The following MTCL2 variants were observed in gnomAD, a reference collection of about 807,000 sequenced individuals.
MTCL2 encodes the protein microtubule cross-linking factor 2.
chr20:36,832,081 C>T, the MTCL2 span, among the ~76,000 whole-genome samples: 5 of 152,212 alleles, frequency 3.3e-5, no homozygotes, highest in Non-Finnish European at 7.3e-5. Flanking sequence ...ACACTAAGTG[C>T]CTAATAAATG....
At chr20:36,843,479 A>T in the MTCL2 span, among the ~76,000 whole-genome samples, 2 of 124,332 alleles carry the variant, frequency 1.6e-5, no homozygotes, top group Admixed American at 1.0e-4. Flanking sequence ...CCAGCATACC[A>T]CGTGGACAGA....
the MTCL2 span, among the ~76,000 whole-genome samples, chr20:36,847,055 A>G: frequency 6.6e-6 from 1 of 152,208 alleles, no homozygotes; most frequent in Non-Finnish European, 1.5e-5. Flanking sequence ...ACTAATTACC[A>G]GGCCCCCGCA....
chr20:36,803,091 C>A, the MTCL2 span: 2 of 1,607,006 alleles, frequency 1.2e-6, no homozygotes, highest in Non-Finnish European at 1.7e-6. Context: ...GGCCCCCTTC[C>A]CTGTCTTCAG....
At chr20:36,788,437 G>T in the MTCL2 span, among the ~76,000 whole-genome samples, 1 of 151,636 alleles carries the variant, frequency 6.6e-6, no homozygotes, top group East Asian at 1.9e-4. Context: ...GGATCACGAG[G>T]TCAGGAGATC....
At chr20:36,860,464 G>A in the MTCL2 span, among the ~76,000 whole-genome samples, 1 of 152,128 alleles carries the variant, frequency 6.6e-6, no homozygotes, top group Non-Finnish European at 1.5e-5. Context: ...CCTAGCACAC[G>A]GCAGGTTCTA....
the MTCL2 span, chr20:36,804,970 G>A: frequency 5.8e-6 from 9 of 1,562,508 alleles, no homozygotes; most frequent in African/African-American, 1.1e-4. Flanking sequence ...TGGGTTCAGA[G>A]AACTCACCTA....
the MTCL2 span, chr20:36,794,410 G>A: frequency 3.1e-6 from 5 of 1,613,830 alleles, no homozygotes; most frequent in Non-Finnish European, 3.4e-6. The surrounding 1 kb of genome is among the most constrained non-coding windows in gnomAD (Gnocchi z 5.4). Context: ...GGGCACCCAG[G>A]TGGTTGCAGT....
the MTCL2 span, chr20:36,810,030 C>A: frequency 4.2e-5 from 68 of 1,600,586 alleles, no homozygotes; most frequent in Non-Finnish European, 5.7e-5. Context: ...TTCGTAGCTG[C>A]CGCTCCTGGG....
the MTCL2 span, chr20:36,784,717 C>T: frequency 1.0e-6 from 1 of 985,512 alleles, no homozygotes; most frequent in Non-Finnish European, 1.2e-6. Flanking sequence ...GCTCAGGCAG[C>T]TCACAGGGGA....
the MTCL2 span, among the ~76,000 whole-genome samples, chr20:36,828,131 C>T: frequency 2.0e-5 from 3 of 152,222 alleles, no homozygotes; most frequent in African/African-American, 7.2e-5. Context: ...TAGAAGAATG[C>T]ACGATCCTCA....
the MTCL2 span, among the ~76,000 whole-genome samples, chr20:36,800,627 T>A: frequency 6.6e-6 from 1 of 152,232 alleles, no homozygotes; most frequent in East Asian, 1.9e-4. Flanking sequence ...AGGGGTTTCA[T>A]GAACGTGACC....
At chr20:36,824,713 C>T in the MTCL2 span, among the ~76,000 whole-genome samples, 7 of 151,622 alleles carry the variant, frequency 4.6e-5, no homozygotes, top group East Asian at 7.7e-4. Flanking sequence ...AGTACACTGG[C>T]GTGATCTTGG....
chr20:36,851,181 T>C, the MTCL2 span, among the ~76,000 whole-genome samples: 1 of 151,076 alleles, frequency 6.6e-6, no homozygotes, highest in African/African-American at 2.4e-5. Flanking sequence ...TGTATTTGTA[T>C]AATATATTGT....
At chr20:36,859,665 G>C in the MTCL2 span, 3 of 1,231,748 alleles carry the variant, frequency 2.4e-6, no homozygotes, top group East Asian at 9.5e-5. Context: ...GACCATACCA[G>C]ACTGGAGATC....
the MTCL2 span, among the ~76,000 whole-genome samples, chr20:36,852,862 G>C: frequency 1.3e-5 from 2 of 152,010 alleles, no homozygotes; most frequent in African/African-American, 2.4e-5. Context: ...TTCGAGACCA[G>C]CCTGGCCAAC....
chr20:36,794,991 T>C, the MTCL2 span, among the ~76,000 whole-genome samples: 1 of 151,408 alleles, frequency 6.6e-6, no homozygotes, highest in East Asian at 1.9e-4. The surrounding 1 kb of genome is among the most constrained non-coding windows in gnomAD (Gnocchi z 5.4). Context: ...CAGGCTGGAG[T>C]GCAGTGGCAT....
the MTCL2 span, among the ~76,000 whole-genome samples, chr20:36,843,829 C>A: frequency 6.6e-6 from 1 of 152,204 alleles, no homozygotes; most frequent in Admixed American, 6.5e-5. Flanking sequence ...TTAACAAATG[C>A]ATGACATTTA....
the MTCL2 span, among the ~76,000 whole-genome samples, chr20:36,848,473 T>G: frequency 6.6e-6 from 1 of 152,192 alleles, no homozygotes. Flanking sequence ...AATAGCAAGA[T>G]CTTGCACAGC....
the MTCL2 span, chr20:36,786,200 G>A: frequency 3.7e-6 from 4 of 1,069,588 alleles, no homozygotes; most frequent in East Asian, 1.3e-4. Flanking sequence ...CCCAGGGATC[G>A]GCTCTTGACA....
Sources: gnomAD v4.1 joint callset for allele counts (sites outside exome capture counted in the v4.1 genomes callset) on GRCh38, gnomAD v4.1.1 for gene constraint, Gnocchi (gnomAD v3.1) non-coding constraint, MANE v1.5 for transcripts, NCBI Gene and HGNC (gene_info 2026-07-23, HGNC 2026-07-21) for gene names.